Variants in SHANK2 observed in about 807,000 individuals in gnomAD.
SHANK2 encodes the protein SH3 and multiple ankyrin repeat domains protein 2.
In SHANK2, 43 loss-of-function variants were observed where a neutral mutation model predicts 133.7. The ratio of observed to expected loss-of-function variants is 0.32; its 90% CI spans 0.25 to 0.41. The LOEUF (loss-of-function observed/expected upper bound fraction) is 0.41. Among genes scored for constraint, SHANK2 ranks in the 10% least tolerant of loss-of-function variants. The pLI is 1.00. For missense variants in SHANK2, 1,994 were observed against 2,235.8 expected (o/e 0.89, Z 2.18); for synonymous variants, 1,017 against 952.8 (o/e 1.07, Z -1.24).
At chr11:70,742,739 G>C (rs1192865061) in intron 14 of SHANK2, among the ~76,000 whole-genome samples, 2 of 152,230 alleles carry the variant, frequency 1.3e-5, no homozygotes, top group Non-Finnish European at 2.9e-5. Flanking sequence ...ACTGGGCAGC[G>C]TGGCTGACTG....
chr11:71,116,346 GCTTCT>G (rs1423283716), intron 4 of SHANK2, among the ~76,000 whole-genome samples: 1 of 152,236 alleles, frequency 6.6e-6, no homozygotes, highest in Non-Finnish European at 1.5e-5. Context: ...TCCGTTTCTG[GCTTCT>G]CTTAACTGAC....
chr11:70,710,365 C>T (rs1945757062), intron 14 of SHANK2, among the ~76,000 whole-genome samples: 1 of 152,222 alleles, frequency 6.6e-6, no homozygotes, highest in Admixed American at 6.5e-5. Flanking sequence ...CTGTGTCCCA[C>T]TGCCCCCTCT....
chr11:71,215,469 C>T (rs1954390218), intron 2 of SHANK2, among the ~76,000 whole-genome samples: 1 of 152,212 alleles, frequency 6.6e-6, no homozygotes, highest in South Asian at 2.1e-4. Context: ...ACCGAGGGAG[C>T]TTCAGATGGT....
intron 15 of SHANK2, chr11:70,661,984 C>A (rs1555013548): frequency 4.9e-5 from 31 of 632,582 alleles, no homozygotes; most frequent in Non-Finnish European, 5.3e-5. Context: ...GAGCTGGAGG[C>A]TCAAGGGGGG....
At chr11:71,185,562 G>A (rs1182066587) in intron 2 of SHANK2, among the ~76,000 whole-genome samples, 3 of 152,170 alleles carry the variant, frequency 2.0e-5, no homozygotes, top group African/African-American at 7.2e-5. Context: ...TGGTCTGGTT[G>A]GTGCAGCCTC....
In SHANK2 at chr11:70,535,065, C is replaced by A. The variant is rs2059526971; in HGVS notation, c.2062-32134G>T. On this transcript the variant is annotated intron_variant, in intron 17 of 25. Transcript: ENST00000601538. The surrounding 1 kb of genome is among the most constrained non-coding windows in gnomAD (Gnocchi z 4.3). ...TGCTTCCCACCCATGTTGAACAGGG[C>A]AGAGCTGACCTGGAGGGAAGACTGG... Among the ~76,000 whole-genome samples the A allele has an allele frequency of 6.6e-6, 1 of 152,204 alleles. No homozygotes were observed. The highest frequency in any genetic ancestry group is 1.5e-5 in the Non-Finnish European group (1 of 68,048).
chr11:70,654,670 T>C (rs2061381889), intron 17 of SHANK2, among the ~76,000 whole-genome samples: 2 of 152,178 alleles, frequency 1.3e-5, no homozygotes, highest in South Asian at 4.1e-4. Context: ...CAGATGTCCA[T>C]TGCCACTGAA....
chr11:70,651,743 T>C (rs372242181), intron 17 of SHANK2, among the ~76,000 whole-genome samples: 6 of 152,316 alleles, frequency 3.9e-5, no homozygotes, highest in East Asian at 3.9e-4. Flanking sequence ...CAATGAAATA[T>C]TGGCCTTGAT....
intron 14 of SHANK2, among the ~76,000 whole-genome samples, chr11:70,798,003 G>A (rs892807296): frequency 3.3e-5 from 5 of 152,146 alleles, no homozygotes; most frequent in Non-Finnish European, 5.9e-5. Flanking sequence ...ATGGCTTCCC[G>A]TCGGAACACT....
rs534849642 is a variant in SHANK2, at chr11:71,109,572, C to T, written c.592+369G>A. Among the ~76,000 whole-genome samples the T allele has an allele frequency of 1.4e-4, 22 of 152,280 alleles. No individual in the cohort carries two copies. The South Asian group carries it at 3.9e-3, about 27-fold the overall frequency. ...CATCTGCTGGGCTGCCCGTGCCCAG[C>T]GGGAGGCAGAAACACACATCCTCCA... On this transcript the variant is annotated intron_variant, in intron 6 of 25. Transcript: ENST00000601538.
chr11:70,521,759 G>A (rs2059333572), intron 17 of SHANK2, among the ~76,000 whole-genome samples: 2 of 152,304 alleles, frequency 1.3e-5, no homozygotes, highest in African/African-American at 4.8e-5. Context: ...GCAGCACGCT[G>A]GTCACATTCT....
chr11:70,566,576 C>T (rs532330484), intron 17 of SHANK2: 1 of 152,290 alleles, frequency 6.6e-6, no homozygotes, highest in Admixed American at 6.5e-5. Context: ...CACTCTGAGT[C>T]CTTCTGAAGT....
At chr11:70,738,369 G>A (rs1946451519) in intron 14 of SHANK2, among the ~76,000 whole-genome samples, 4 of 152,364 alleles carry the variant, frequency 2.6e-5, no homozygotes, top group Non-Finnish European at 4.4e-5. Context: ...ACACTCAGTG[G>A]AGGCTGCACC....
rs1555070457 is a variant in SHANK2 at position 70,872,907 on chromosome 11, G to A, written c.1174+23594C>T. The stretch of plus-strand genomic sequence containing the variant: ...TGCCCTGTAGAGCCCAGCTCCTCGG[G>A]GCAGGAGGAGCACATATCCACTGTC... On this transcript the variant is annotated intron_variant, in intron 11 of 25. Transcript: ENST00000601538. 1.2e-4 allele frequency: 52 copies of A among 435,378 alleles called. 1 individual carries two copies. The highest frequency in any genetic ancestry group is 8.5e-4 in the South Asian group (51 of 59,774). The allele number at this position is 435,378 out of a possible 1,614,324, so 27.0% of individuals were successfully genotyped here.
At chr11:70,646,839 T>G (rs1462627873) in intron 17 of SHANK2, among the ~76,000 whole-genome samples, 1 of 144,668 alleles carries the variant, frequency 6.9e-6, no homozygotes, top group Non-Finnish European at 1.5e-5. Context: ...TTTTATTTAT[T>G]TATTTATTTA....
In SHANK2 at chr11:70,739,010, CCCTCTGG is replaced by C. The variant is rs1555034176; in HGVS notation, c.1778-40254_1778-40248del. Among the ~76,000 whole-genome samples, 1 of 152,176 alleles carries C rather than the reference CCCTCTGG, an allele frequency of 6.6e-6. No homozygotes were observed. Among genetic ancestry groups the C allele is most frequent in the African/African-American group, 2.4e-5 (1 of 41,442 alleles). ...GGAAGGACCTGTGGTGTTCAGACAC[CCCTCTGG>C]ATTCAGTGAGTAGGGCTGGTGAGTT... On this transcript the variant is annotated intron_variant, in intron 14 of 25. Transcript: ENST00000601538. The surrounding 1 kb of genome is among the most constrained non-coding windows in gnomAD (Gnocchi z 4.3).
intron 9 of SHANK2, among the ~76,000 whole-genome samples, chr11:71,069,019 T>C (rs1478990496): frequency 2.3e-5 from 3 of 133,284 alleles, no homozygotes; most frequent in East Asian, 2.4e-4. Flanking sequence ...ATCATCACCA[T>C]CACTGTCGCC....
At chr11:70,751,854 A>G (rs1326093721) in intron 14 of SHANK2, among the ~76,000 whole-genome samples, 1 of 115,752 alleles carries the variant, frequency 8.6e-6, no homozygotes, top group Non-Finnish European at 2.1e-5. Context: ...TGCTTTAATA[A>G]AAAAAAAAGC....
At chr11:70,754,514 T>C (rs1471438658) in intron 14 of SHANK2, among the ~76,000 whole-genome samples, 3 of 152,132 alleles carry the variant, frequency 2.0e-5, no homozygotes, top group South Asian at 2.1e-4. Context: ...CAGATAATCA[T>C]AGCAACTGGT....
Sources: allele counts gnomAD v4.1 joint callset (sites outside exome capture counted in the v4.1 genomes callset), GRCh38; gene constraint gnomAD v4.1.1; non-coding constraint Gnocchi (gnomAD v3.1); transcripts MANE v1.5; gene names NCBI Gene and HGNC (gene_info 2026-07-23, HGNC 2026-07-21).